Variants in LTBP3 observed in about 807,000 individuals in gnomAD.
The protein encoded by LTBP3 is latent-transforming growth factor beta-binding protein 3.
Under a neutral mutation model 159.7 loss-of-function variants are expected in LTBP3, and 97 were observed. That is an observed-to-expected ratio of 0.61 (90% CI 0.52 to 0.72). The LOEUF is 0.72. LTBP3 is among the 30% of genes least tolerant of loss of function. The pLI, the probability that LTBP3 is intolerant of heterozygous loss-of-function variation, is 0.00. For synonymous variants in LTBP3, 824 were observed against 777.1 expected (o/e 1.06, Z -1.00); for missense variants, 1,584 against 1,864.3 (o/e 0.85, Z 2.77).
chr11:65,543,661 T>A, intron 16 of LTBP3, 112 bp from the exon 17 acceptor site: 1 of 1,398,696 alleles, frequency 7.1e-7, no homozygotes, highest in Non-Finnish European at 1.0e-6. Context: ...CCAGCAGCAC[T>A]CAGAAGCACA....
At chr11:65,555,284 T>C (rs993359835) in intron 1 of LTBP3, among the ~76,000 whole-genome samples, 1 of 152,024 alleles carries the variant, frequency 6.6e-6, no homozygotes, top group Non-Finnish European at 1.5e-5. Context: ...ACCAGAACCT[T>C]TTCAGCCCAT....
In LTBP3 at chr11:65,539,437, ATCC is replaced by A. The variant is rs1398364354; in HGVS notation, c.3648_3650del (p.Glu1216del). 4 of 1,557,558 alleles carry A rather than the reference ATCC, an allele frequency of 2.6e-6. No individual in the cohort carries two copies. Among genetic ancestry groups the A allele is most frequent in the Non-Finnish European group, 2.6e-6 (3 of 1,150,572 alleles). On this transcript the variant is annotated inframe_deletion, in exon 27 of 28. Transcript: ENST00000301873. ...CACTCACGCAGCGACACTCGTCTGA[ATCC>A]TCCTCTGAACTGTCCTCATCTGCGT... is the stretch of plus-strand genomic sequence containing the variant.
Position 65,552,299 on chromosome 11 carries a change from C to T in LTBP3, c.1294G>A (p.Val432Ile), listed in dbSNP as rs1213736265. The T allele has an allele frequency of 3.1e-6, 5 of 1,613,988 alleles. No individual in the cohort carries two copies. Among genetic ancestry groups the T allele is most frequent in the Non-Finnish European group, 4.2e-6 (5 of 1,180,012 alleles). The stretch of plus-strand genomic sequence containing the variant: ...CACCGCGCGCCCCAGGCCTTGCCGA[C>T]ACTGCAGCAGCAGAGCTGGCGGGTC... ...RLTRQLCCCS[V>I]GKAWGARCQR... The change falls in exon 7 of 28, where the codon GTC becomes ATC. Residue 432 changes from valine (V) to isoleucine (I), a missense_variant. Val to Ile is a conservative substitution (Grantham distance 29). Transcript: ENST00000301873. This position sits in a 1 kb window ranked among gnomAD's most constrained non-coding sequence, Gnocchi z 6.0.
At chr11:65,541,432 G>A (rs1856132884) in intron 19 of LTBP3, 139 bp from the exon 20 acceptor site, 8 of 1,401,856 alleles carry the variant, frequency 5.7e-6, no homozygotes, top group Admixed American at 5.3e-5. Context: ...TGTTCTCAAC[G>A]TGGTGTTCTG....
Position 65,551,413 on chromosome 11 carries a change from C to T in LTBP3, c.1610G>A (p.Arg537Gln), listed in dbSNP as rs779937464. 4.6e-5 allele frequency: 75 copies of T among 1,613,298 alleles called. No homozygotes were observed. The highest frequency in any genetic ancestry group is 8.3e-5 in the Admixed American group (5 of 59,992). ...AGTGCCCAGCTCACCGGGGTAGGGCCGGGCAGGAGTCGTGGTGGCAGTTGG... is the reference window on the plus strand; with the variant it reads ...AGTGCCCAGCTCACCGGGGTAGGGCTGGGCAGGAGTCGTGGTGGCAGTTGG... Reference protein sequence around the residue: ...SHPTATTTPARPYPELISRPS... With the variant: ...SHPTATTTPAQPYPELISRPS... Residue 537 changes from arginine (R) to glutamine (Q), a missense_variant, in exon 10 of 28, where the codon CGG (arginine) becomes CAG (glutamine). By Grantham distance (43) the Arg-to-Gln change is conservative. Around this residue, in one of 6 missense-constraint regions of LTBP3, gnomAD observed 565 missense variants for 677.7 expected, o/e 0.83. Transcript: ENST00000301873.
chr11:65,544,000 C>T (rs1856264961), intron 16 of LTBP3: 1 of 221,150 alleles, frequency 4.5e-6, no homozygotes, highest in Admixed American at 5.1e-5. Context: ...CAAGCCTGAG[C>T]TCGGCCTCTG....
rs1464707461 is a variant in LTBP3, at chr11:65,546,090, C to T, written c.2353+352G>A. The stretch of plus-strand genomic sequence containing the variant: ...GCACTGCATGCTACAGTCTGTCTTT[C>T]CTTCTCCAGTTTTCAATGAGTCCCA... On this transcript the variant is annotated intron_variant, in intron 16 of 27. Transcript: ENST00000301873. The surrounding 1 kb of genome is among the most constrained non-coding windows in gnomAD (Gnocchi z 4.0). The T allele has an allele frequency of 3.0e-6, 1 of 328,542 alleles. No individual in the cohort carries two copies. The highest frequency in any genetic ancestry group is 2.2e-5 in the African/African-American group (1 of 44,600). 20.4% of individuals were successfully genotyped at this position (328,542 alleles called of 1,614,324 possible).
Position 65,552,680 on chromosome 11 carries a change from T to C in LTBP3, c.1186+180A>G, listed in dbSNP as rs149689663. Among the ~76,000 whole-genome samples the C allele has an allele frequency of 1.9e-3, 283 of 152,288 alleles. No homozygotes were observed. Among genetic ancestry groups the C allele is most frequent in the Non-Finnish European group, 2.6e-3 (176 of 68,006 alleles). On this transcript the variant is annotated intron_variant, in intron 6 of 27. Coordinates refer to ENST00000301873, the MANE Select transcript of LTBP3 (RefSeq NM_001130144.3). This position sits in a 1 kb window ranked among gnomAD's most constrained non-coding sequence, Gnocchi z 6.0. Reference sequence around the variant, plus strand: ...TGACTCTATGTAATCCCTGACCCCATGTGACTGCTAATGGCAGATCTCATG... The same window carrying C: ...TGACTCTATGTAATCCCTGACCCCACGTGACTGCTAATGGCAGATCTCATG...
intron 20 of LTBP3, 40 bp downstream of exon 20, chr11:65,541,086 G>A (rs1002746542): frequency 1.9e-6 from 3 of 1,599,820 alleles, no homozygotes; most frequent in Non-Finnish European, 1.7e-6. Flanking sequence ...TCCAGATGAA[G>A]AAACTGAAGA....
intron 18 of LTBP3, 150 bp downstream of exon 18, chr11:65,542,931 AGGATGGATGGATGGATGGATGGAT>A (rs140563368): frequency 2.4e-5 from 20 of 817,630 alleles, no homozygotes; most frequent in African/African-American, 3.6e-5. Context: ...GATGGATAGA[AGGATGGATGGATGGATGGATGGAT>A]GGATGGATGG....
chr11:65,557,921 AG>A lies in LTBP3; in HGVS notation c.38del (p.Pro13LeufsTer57). 8.1e-7 allele frequency: 1 copy of A among 1,241,954 alleles called. No individual in the cohort carries two copies. Among genetic ancestry groups the A allele is most frequent in the South Asian group, 2.3e-5 (1 of 42,692 alleles). 76.9% of individuals were successfully genotyped at this position (1,241,954 alleles called of 1,614,324 possible). A position where few individuals can be genotyped will look rare whatever the true frequency, so the allele number is the denominator to read the frequency against. ...GPRGAAGGLA[P>X]EMRGAGAAGL... ...CCGCCGCCCCCGCCCCGCGCATCTCAGGGGCCAGGCCGCCAGCAGCCCCTCG... is the reference window on the plus strand; with the variant it reads ...CCGCCGCCCCCGCCCCGCGCATCTCAGGGCCAGGCCGCCAGCAGCCCCTCG... On this transcript the variant is annotated frameshift_variant, in exon 1 of 28. Transcript: ENST00000301873. LOFTEE classifies it high-confidence loss of function.
chr11:65,558,342 G>A lies in LTBP3; in HGVS notation c.-383C>T. Reference sequence around the variant, plus strand: ...CGCGGGGAGGCAGGGAGCGCGCGGGGAGGGCTCAGGGAGAAGTGAGCAGTT... The same window carrying A: ...CGCGGGGAGGCAGGGAGCGCGCGGGAAGGGCTCAGGGAGAAGTGAGCAGTT... On this transcript the variant is annotated 5_prime_UTR_variant, in exon 1 of 28. Transcript: ENST00000301873. 1 of 301,858 alleles carries A rather than the reference G, an allele frequency of 3.3e-6. No individual in the cohort carries two copies. Among genetic ancestry groups the A allele is most frequent in the Non-Finnish European group, 5.3e-6 (1 of 189,098 alleles). 18.7% of individuals were successfully genotyped at this position (301,858 alleles called of 1,614,324 possible).
At chr11:65,556,552 C>A (rs558805844) in intron 1 of LTBP3, among the ~76,000 whole-genome samples, 1 of 152,146 alleles carries the variant, frequency 6.6e-6, no homozygotes, top group African/African-American at 2.4e-5. Flanking sequence ...CAAAAACATT[C>A]CCACATACTC....
chr11:65,540,256 G>A lies in LTBP3; in HGVS notation c.3233C>T (p.Pro1078Leu), dbSNP rs201735019. 258 of 1,550,826 alleles carry A rather than the reference G, an allele frequency of 1.7e-4. 1 individual carries two copies. The highest frequency in any genetic ancestry group is 1.5e-3 in the African/African-American group (108 of 73,300). The change falls in exon 23 of 28, where the codon CCG (proline) becomes CTG (leucine). Residue 1078 changes from proline (P) to leucine (L), a missense_variant. By Grantham distance (98) the Pro-to-Leu change is moderately conservative. Around this residue, in one of 6 missense-constraint regions of LTBP3, gnomAD observed 514 missense variants for 530.3 expected, o/e 0.97. Transcript: ENST00000301873. Reference sequence around the variant, plus strand: ...GGCCCGGGCCTCACCCATCTCTTCCGGGCTCAGGCACTGGCGCTGCGCGGG... The same window carrying A: ...GGCCCGGGCCTCACCCATCTCTTCCAGGCTCAGGCACTGGCGCTGCGCGGG... ...YSPAQRQCLS[P>L]EEMDVDECQD...
chr11:65,538,758 G>A lies in LTBP3; in HGVS notation c.*322C>T. 1 of 888,322 alleles carries A rather than the reference G, an allele frequency of 1.1e-6. No individual in the cohort carries two copies. Among genetic ancestry groups the A allele is most frequent in the Non-Finnish European group, 1.7e-6 (1 of 604,678 alleles). The allele number at this position is 888,322 out of a possible 1,614,324, so 55.0% of individuals were successfully genotyped here. ...TGGGAGGCGGCTGGGGTCTGGCGCC[G>A]CCCTGCGCAGCCCGCGCCCACGTCA... On this transcript the variant is annotated 3_prime_UTR_variant, in exon 28 of 28. Transcript: ENST00000301873.
rs759353788 is a variant in LTBP3, at chr11:65,553,895, G to T, written c.670C>A (p.Pro224Thr). 7 of 1,546,690 alleles carry T rather than the reference G, an allele frequency of 4.5e-6. No individual in the cohort carries two copies. The highest frequency in any genetic ancestry group is 6.1e-6 in the Non-Finnish European group (7 of 1,151,656). Residue 224 changes from proline (P) to threonine (T), a missense_variant, in exon 3 of 28, where the codon CCG (proline) becomes ACG (threonine). Coordinates refer to ENST00000301873, the MANE Select transcript of LTBP3 (RefSeq NM_001130144.3). The surrounding 1 kb of genome is among the most constrained non-coding windows in gnomAD (Gnocchi z 6.5). ...PGQISAEVQA[P>T]PPVVNVRVHH... ...ACGCGCACATTCACCACGGGGGGCG[G>T]GGCCTGCACTGGGGGCGGGCGCGGT...
chr11:65,543,859 G>T, intron 16 of LTBP3: 1 of 434,670 alleles, frequency 2.3e-6, no homozygotes, highest in Admixed American at 3.5e-5. Flanking sequence ...TTCCTCTGGG[G>T]ATAAACTCCC....
intron 20 of LTBP3, 25 bp from the exon 21 acceptor site, chr11:65,540,979 G>T (rs1481202750): frequency 3.7e-6 from 6 of 1,608,320 alleles, no homozygotes; most frequent in Non-Finnish European, 5.1e-6. Flanking sequence ...CGGCCGTGGG[G>T]AGGGAAGAGG....
chr11:65,553,949 G>A lies in LTBP3; in HGVS notation c.662-46C>T, dbSNP rs767221669. The A allele has an allele frequency of 2.6e-6, 4 of 1,527,182 alleles. No individual in the cohort carries two copies. Among genetic ancestry groups the A allele is most frequent in the Non-Finnish European group, 3.5e-6 (4 of 1,132,594 alleles). The allele number at this position is 1,527,182 out of a possible 1,614,324, so 94.6% of individuals were successfully genotyped here. Reference sequence around the variant, plus strand: ...CTCAGGGCTGCCCGCACCGCGCCGCGGGTCACCGCGCTGAGCTCCTCCAGG... The same window carrying A: ...CTCAGGGCTGCCCGCACCGCGCCGCAGGTCACCGCGCTGAGCTCCTCCAGG... On this transcript the variant is annotated intron_variant, in intron 2 of 27. Coordinates refer to ENST00000301873, the MANE Select transcript of LTBP3 (RefSeq NM_001130144.3). This position sits in a 1 kb window ranked among gnomAD's most constrained non-coding sequence, Gnocchi z 6.5.
Sources: allele counts gnomAD v4.1 joint callset (sites outside exome capture counted in the v4.1 genomes callset), GRCh38; gene constraint gnomAD v4.1.1; regional missense constraint gnomAD v4.1.1; non-coding constraint Gnocchi (gnomAD v3.1); transcripts MANE v1.5; gene names NCBI Gene and HGNC (gene_info 2026-07-23, HGNC 2026-07-21).